Variants in SCYL3 observed in about 807,000 individuals in gnomAD.
SCYL3 encodes the protein protein-associating with the carboxyl-terminal domain of ezrin.
In SCYL3, 35 loss-of-function variants were observed where a neutral mutation model predicts 73.8. The ratio of observed to expected loss-of-function variants is 0.47; its 90% CI spans 0.36 to 0.63. The LOEUF (loss-of-function observed/expected upper bound fraction) is 0.63. Ranked by LOEUF, SCYL3 falls within the 20% of genes least tolerant of loss-of-function variation. SCYL3 has a pLI of 0.00. For synonymous variants in SCYL3, 277 were observed against 295.2 expected, an observed-to-expected ratio of 0.94 and a Z score of 0.63; for missense variants, 712 against 798.9, an observed-to-expected ratio of 0.89 and a Z score of 1.31.
Position 169,862,627 on chromosome 1 carries a change from C to T in SCYL3, c.1126G>A (p.Val376Ile), listed in dbSNP as rs767142697. 1.4e-5 allele frequency: 23 copies of T among 1,614,070 alleles called. No homozygotes were observed. Among genetic ancestry groups the T allele is most frequent in the Middle Eastern group, 3.3e-4 (2 of 6,084 alleles). Reference sequence around the variant, plus strand: ...TGGCCTCTGACCTGTGGCAAGATGACTTTCTTCAGCTGCTCCTGAGTGAAG... The same window carrying T: ...TGGCCTCTGACCTGTGGCAAGATGATTTTCTTCAGCTGCTCCTGAGTGAAG... ...EHFTQEQLKK[V>I]ILPQVLLGLR... The change falls in exon 10 of 13, where the codon GTC becomes ATC. Residue 376 changes from valine (V) to isoleucine (I), a missense_variant. Coordinates refer to ENST00000367771, the MANE Select transcript of SCYL3 (RefSeq NM_020423.7).
rs1658521161 is a variant in SCYL3, at chr1:169,852,569, C to CAAACT, written c.*1139_*1143dup. 5 of 556,678 alleles carry CAAACT rather than the reference C, an allele frequency of 9.0e-6. No homozygotes were observed. Among genetic ancestry groups the CAAACT allele is most frequent in the African/African-American group, 1.9e-5 (1 of 53,128 alleles). The allele number at this position is 556,678 out of a possible 1,614,324, so 34.5% of individuals were successfully genotyped here. A position where few individuals can be genotyped will look rare whatever the true frequency, so the allele number is the denominator to read the frequency against. ...CAGGATACTTGTTGTATACCACATA[C>CAAACT]AAACTAAGACACTGGTAGTAGCACT... On this transcript the variant is annotated 3_prime_UTR_variant, in exon 13 of 13. Transcript: ENST00000367771.
intron 2 of SCYL3, among the ~76,000 whole-genome samples, chr1:169,881,744 T>C (rs1268394810): frequency 1.3e-5 from 2 of 152,204 alleles, no homozygotes; most frequent in Admixed American, 1.3e-4. Context: ...CCCAACCTTT[T>C]TGACACCAGG....
At chr1:169,858,987 C>A (rs1208504283) in intron 11 of SCYL3, 54 bp downstream of exon 11, 7 of 1,510,746 alleles carry the variant, frequency 4.6e-6, no homozygotes, top group Non-Finnish European at 6.4e-6. Flanking sequence ...TTATATAATA[C>A]TAAAAATCTA....
At chr1:169,880,854 C>A (rs1378269244) in intron 2 of SCYL3, among the ~76,000 whole-genome samples, 1 of 151,794 alleles carries the variant, frequency 6.6e-6, no homozygotes, top group Non-Finnish European at 1.5e-5. Context: ...CTCCGCCTCC[C>A]GGGTTCAAGT....
At chr1:169,866,287 T>C (rs968538478) in intron 8 of SCYL3, among the ~76,000 whole-genome samples, 16 of 152,246 alleles carry the variant, frequency 1.1e-4, no homozygotes, top group Admixed American at 9.2e-4. Flanking sequence ...GCTTCATATT[T>C]ACTGCCTGGA....
rs773071698 is a variant in SCYL3, at chr1:169,876,065, A to G, written c.378T>C (p.Cys126=). 11 of 1,608,988 alleles carry G rather than the reference A, an allele frequency of 6.8e-6. No homozygotes were observed. Among genetic ancestry groups the G allele is most frequent in the Middle Eastern group, 3.3e-4 (2 of 6,070 alleles). ...CTTCACTCACAAACACAGATGATAAACAGACATTATTGTGTGTTAGGTGTC... is the reference window on the plus strand; with the variant it reads ...CTTCACTCACAAACACAGATGATAAGCAGACATTATTGTGTGTTAGGTGTC... ...DRGHLTHNNV[C]LSSVFVSEDG... The change falls in exon 4 of 13, where the codon TGT becomes TGC. Residue 126 remains cysteine, a synonymous_variant. Transcript: ENST00000367771.
chr1:169,877,503 T>C (rs1660934628), intron 3 of SCYL3, among the ~76,000 whole-genome samples: 1 of 152,192 alleles, frequency 6.6e-6, no homozygotes, highest in African/African-American at 2.4e-5. Context: ...AATGTGTAAA[T>C]ATTTTTATAG....
chr1:169,854,415 C>A lies in SCYL3; in HGVS notation c.1862G>T (p.Trp621Leu). The change falls in exon 12 of 13, where the codon TGG becomes TTG. Residue 621 changes from tryptophan to leucine, a missense_variant. This residue lies in a region of SCYL3 where 370 missense variants were observed against 350.8 expected (regional missense o/e 1.05). Coordinates refer to ENST00000367771, the MANE Select transcript of SCYL3 (RefSeq NM_020423.7). ...AATTTCTGGGATCATATCAGCAAAC[C>A]AATCCATCTCAGGATCTTTTACTGG... ...KKPVKDPEMDWFADMIPEIKP... is the reference protein window; with the variant it reads ...KKPVKDPEMDLFADMIPEIKP... 1.9e-6 allele frequency: 3 copies of A among 1,614,066 alleles called. No homozygotes were observed. Among genetic ancestry groups the A allele is most frequent in the Non-Finnish European group, 2.5e-6 (3 of 1,179,980 alleles).
rs571722115 is a variant in SCYL3 at position 169,871,244 on chromosome 1, C to T, written c.523-887G>A. 3.3e-5 allele frequency among the ~76,000 whole-genome samples: 5 copies of T among 152,316 alleles called. No homozygotes were observed. The East Asian group carries it at 5.8e-4, about 18-fold the overall frequency. On this transcript the variant is annotated intron_variant, in intron 5 of 12. Coordinates refer to ENST00000367771, the MANE Select transcript of SCYL3 (RefSeq NM_020423.7). ...TGAATTATAACTCCCACAATTCCCA[C>T]GTGTCCTGGGAAGAACCAGTGGCAG... is the stretch of plus-strand genomic sequence containing the variant.
chr1:169,854,215 C>T, intron 12 of SCYL3, 55 bp downstream of exon 12: 1 of 1,346,798 alleles, frequency 7.4e-7, no homozygotes. Context: ...GCAACTAGGA[C>T]CTATGAGGGA....
intron 2 of SCYL3, among the ~76,000 whole-genome samples, chr1:169,884,222 C>A (rs1571452692): frequency 6.6e-6 from 1 of 152,070 alleles, no homozygotes; most frequent in African/African-American, 2.4e-5. Context: ...TCCAGATAAA[C>A]CAAAAATTGT....
chr1:169,856,681 C>T (rs1050541727), intron 11 of SCYL3, among the ~76,000 whole-genome samples: 1 of 152,116 alleles, frequency 6.6e-6, no homozygotes, highest in Non-Finnish European at 1.5e-5. Flanking sequence ...ATGCCTTATC[C>T]GATGTCTTCT....
chr1:169,889,144 A>G (rs914006855), intron 1 of SCYL3, among the ~76,000 whole-genome samples: 8 of 152,222 alleles, frequency 5.3e-5, no homozygotes, highest in Non-Finnish European at 4.4e-5. Context: ...CACCACATAC[A>G]AACTTTCAGA....
At chr1:169,866,068 C>T (rs138041783) in intron 8 of SCYL3, among the ~76,000 whole-genome samples, 10 of 152,342 alleles carry the variant, frequency 6.6e-5, no homozygotes, top group African/African-American at 2.4e-4. Flanking sequence ...GTCTGTTCAA[C>T]GGTCCATGTA....
intron 11 of SCYL3, among the ~76,000 whole-genome samples, chr1:169,857,616 T>C (rs1181303794): frequency 2.0e-5 from 3 of 152,188 alleles, no homozygotes; most frequent in Admixed American, 6.5e-5. Flanking sequence ...AAATATTAGG[T>C]AGCTTTCAAA....
Position 169,851,526 on chromosome 1 carries a change from A to C in SCYL3, c.*2187T>G. ...TTATATTACATCTAAGCTGGATTTTAAGTACATGTGTATACACTGCTGTTG... is the reference window on the plus strand; with the variant it reads ...TTATATTACATCTAAGCTGGATTTTCAGTACATGTGTATACACTGCTGTTG... On this transcript the variant is annotated 3_prime_UTR_variant, in exon 13 of 13. Transcript: ENST00000367771. 1 of 290,660 alleles carries C rather than the reference A, an allele frequency of 3.4e-6. No individual in the cohort carries two copies. Among genetic ancestry groups the C allele is most frequent in the Admixed American group, 4.9e-5 (1 of 20,548 alleles). The allele number at this position is 290,660 out of a possible 1,614,324, so 18.0% of individuals were successfully genotyped here.
chr1:169,880,762 C>CT (rs369829919), intron 2 of SCYL3, among the ~76,000 whole-genome samples: 51,165 of 138,460 alleles, frequency 0.37, 9,797 homozygotes, highest in Middle Eastern at 0.53. Context: ...ATGAAGGCCA[C>CT]TTTTTTTTTT....
intron 11 of SCYL3, chr1:169,855,922 G>A: frequency 6.2e-7 from 1 of 1,613,836 alleles, no homozygotes; most frequent in Non-Finnish European, 8.5e-7. Context: ...GGCGAGATCT[G>A]ACTGTGATGG....
chr1:169,869,961 G>C (rs969232194), intron 6 of SCYL3, among the ~76,000 whole-genome samples: 6 of 152,140 alleles, frequency 3.9e-5, no homozygotes, highest in East Asian at 3.8e-4. Context: ...ATAAGGAATA[G>C]AGTCTACATT....
Sources: allele counts gnomAD v4.1 joint callset (sites outside exome capture counted in the v4.1 genomes callset), GRCh38; gene constraint gnomAD v4.1.1; regional missense constraint gnomAD v4.1.1; transcripts MANE v1.5; gene names NCBI Gene and HGNC (gene_info 2026-07-23, HGNC 2026-07-21).